The following MCTP1 variants were observed in gnomAD, a reference collection of about 807,000 sequenced individuals.
MCTP1 encodes multiple C2 and transmembrane domain-containing protein 1.
In MCTP1, 69 loss-of-function variants were observed where a neutral mutation model predicts 120.6. The ratio of observed to expected loss-of-function variants is 0.57; its 90% CI spans 0.47 to 0.70. The LOEUF (loss-of-function observed/expected upper bound fraction) is 0.70. Among genes scored for constraint, MCTP1 ranks in the 30% least tolerant of loss-of-function variants. The pLI is 0.00. For synonymous variants in MCTP1, 529 were observed against 493.1 expected, an observed-to-expected ratio of 1.07 and a Z score of -0.96; for missense variants, 1,203 against 1,248.8, an observed-to-expected ratio of 0.96 and a Z score of 0.55.
At chr5:95,175,986 G>A (rs1437781527) in intron 1 of MCTP1, among the ~76,000 whole-genome samples, 3 of 152,172 alleles carry the variant, frequency 2.0e-5, no homozygotes, top group Admixed American at 2.0e-4. Flanking sequence ...CAGGCTGAAA[G>A]GCAAGAAATC....
chr5:94,869,076 G>A (rs1287423675), intron 16 of MCTP1, among the ~76,000 whole-genome samples: 4 of 151,472 alleles, frequency 2.6e-5, no homozygotes, highest in Admixed American at 6.6e-5. Flanking sequence ...TATGGTAACC[G>A]AGTGCTTTAC....
chr5:94,947,591 G>T (rs1197412058), intron 3 of MCTP1, among the ~76,000 whole-genome samples: 2,250 of 64,896 alleles, frequency 0.035, 53 homozygotes, highest in East Asian at 0.054. Context: ...GAGAGAGAGA[G>T]AGAGAGAGAG....
chr5:95,061,475 T>G (rs62364724), intron 1 of MCTP1, among the ~76,000 whole-genome samples: 6,680 of 120,770 alleles, frequency 0.055, 232 homozygotes, highest in Middle Eastern at 0.078. Flanking sequence ...TCGCTCTGTC[T>G]CCCAGGCTGG....
At chr5:95,209,984 G>C (rs907818543) in intron 1 of MCTP1, among the ~76,000 whole-genome samples, 9 of 152,190 alleles carry the variant, frequency 5.9e-5, no homozygotes, top group Non-Finnish European at 1.0e-4. Flanking sequence ...GAGCGGTTTT[G>C]AGTGAGTTTC....
At chr5:94,743,626 T>C (rs1205888129) in intron 19 of MCTP1, among the ~76,000 whole-genome samples, 3 of 132,780 alleles carry the variant, frequency 2.3e-5, no homozygotes, top group East Asian at 4.4e-4. Context: ...AAGCTCAAAA[T>C]CCACATTTTT....
rs558684213 is a variant in MCTP1 at position 94,714,125 on chromosome 5, C to T, written c.2720+652G>A. ...AACATTAGTTTAGATAAAACACATA[C>T]GTATATAAGAATGTAAGTTTCTTAA... is the stretch of plus-strand genomic sequence containing the variant. On this transcript the variant is annotated intron_variant, in intron 20 of 22. Coordinates refer to ENST00000515393, the MANE Select transcript of MCTP1 (RefSeq NM_024717.7). Among the ~76,000 whole-genome samples, 39 of 151,996 alleles carry T rather than the reference C, an allele frequency of 2.6e-4. 1 individual carries two copies. Among genetic ancestry groups the T allele is most frequent in the Admixed American group, 2.4e-3 (37 of 15,254 alleles).
chr5:94,871,065 CAG>C (rs1327009657), intron 14 of MCTP1, 92 bp from the exon 15 acceptor site: 2 of 1,025,778 alleles, frequency 1.9e-6, no homozygotes, highest in Non-Finnish European at 3.0e-6. Context: ...CTGAAACTGA[CAG>C]AGAACCCAAA....
intron 2 of MCTP1, among the ~76,000 whole-genome samples, chr5:94,962,192 G>A (rs1013013210): frequency 3.3e-5 from 5 of 151,992 alleles, no homozygotes; most frequent in South Asian, 2.1e-4. Context: ...CTATACTGCC[G>A]GTGGGAGTAT....
intron 1 of MCTP1, among the ~76,000 whole-genome samples, chr5:95,110,921 T>G (rs1757402615): frequency 6.6e-6 from 1 of 152,182 alleles, no homozygotes; most frequent in Non-Finnish European, 1.5e-5. Flanking sequence ...CAAGGATAAT[T>G]CCCTGGGACT....
intron 1 of MCTP1, among the ~76,000 whole-genome samples, chr5:95,116,973 A>C (rs1399930646): frequency 6.6e-6 from 1 of 152,078 alleles, no homozygotes; most frequent in African/African-American, 2.4e-5. Flanking sequence ...TATGGAGAAA[A>C]TTTTTGCAAT....
At chr5:95,030,289 C>A (rs1461938362) in intron 1 of MCTP1, among the ~76,000 whole-genome samples, 1 of 152,220 alleles carries the variant, frequency 6.6e-6, no homozygotes. Context: ...CCTGCCAATA[C>A]CCCTTCAGGG....
intron 1 of MCTP1, among the ~76,000 whole-genome samples, chr5:95,251,200 G>A (rs1757350794): frequency 6.6e-6 from 1 of 152,012 alleles, no homozygotes; most frequent in Admixed American, 6.6e-5. Context: ...TCTCCCACCT[G>A]GCAATAGAAA....
chr5:95,031,036 G>A (rs1840183616), intron 1 of MCTP1, among the ~76,000 whole-genome samples: 1 of 151,376 alleles, frequency 6.6e-6, no homozygotes, highest in African/African-American at 2.4e-5. Context: ...GCAAAAGAAT[G>A]AATTTCAGAG....
intron 9 of MCTP1, among the ~76,000 whole-genome samples, chr5:94,910,717 C>T (rs1036452421): frequency 6.6e-6 from 1 of 151,662 alleles, no homozygotes; most frequent in African/African-American, 2.4e-5. Context: ...AACTAGAACA[C>T]GGAAATGGTG....
intron 18 of MCTP1, among the ~76,000 whole-genome samples, chr5:94,780,819 C>T (rs1210139551): frequency 6.6e-6 from 1 of 152,108 alleles, no homozygotes; most frequent in Non-Finnish European, 1.5e-5. Flanking sequence ...CTCCTATCAG[C>T]CCTCAAATGG....
chr5:94,761,970 CAAGCCACCTTG>C lies in MCTP1; in HGVS notation c.2610+17129_2610+17139del, dbSNP rs544585198. 4.6e-5 allele frequency among the ~76,000 whole-genome samples: 7 copies of C among 152,324 alleles called. No homozygotes were observed. The East Asian group carries it at 1.3e-3, about 29-fold the overall frequency. On this transcript the variant is annotated intron_variant, in intron 19 of 22. Transcript: ENST00000515393. ...GAGAAGCCAGCAACAACTGCCAGACCAAGCCACCTTGAATGTGCAGCCAAGTTGAGCCTTTT... is the reference window on the plus strand; with the variant it reads ...GAGAAGCCAGCAACAACTGCCAGACCAATGTGCAGCCAAGTTGAGCCTTTT...
intron 1 of MCTP1, among the ~76,000 whole-genome samples, chr5:95,203,065 T>C (rs1301674537): frequency 6.6e-6 from 1 of 152,182 alleles, no homozygotes; most frequent in Non-Finnish European, 1.5e-5. Flanking sequence ...AAAATTTTCT[T>C]CTACTCTTTC....
chr5:95,170,827 T>G (rs932838795), intron 1 of MCTP1, among the ~76,000 whole-genome samples: 9 of 152,346 alleles, frequency 5.9e-5, no homozygotes, highest in African/African-American at 2.2e-4. Flanking sequence ...ATGGGTCTCC[T>G]GAAAACAGCA....
At position 95,095,047 on chromosome 5, in the gene MCTP1, G is replaced by A. The variant is rs1277560710; in HGVS notation, c.721-77563C>T. ...TTTTTTTTTTTTTTTTTTTTGAGAC[G>A]GAGTCTCGCTCTGTCGCCCAGGCTG... On this transcript the variant is annotated intron_variant, in intron 1 of 22. Transcript: ENST00000515393. 1.3e-3 allele frequency among the ~76,000 whole-genome samples: 118 copies of A among 89,730 alleles called. 1 individual carries two copies. The highest frequency in any genetic ancestry group is 6.6e-3 in the African/African-American group (108 of 16,388). 58.9% of individuals were successfully genotyped at this position (89,730 alleles called of 152,430 possible).
Sources: allele counts gnomAD v4.1 joint callset (sites outside exome capture counted in the v4.1 genomes callset), GRCh38; gene constraint gnomAD v4.1.1; transcripts MANE v1.5; gene names NCBI Gene and HGNC (gene_info 2026-07-23, HGNC 2026-07-21).